The following ITPR2 variants were observed in gnomAD, a reference collection of about 807,000 sequenced individuals.
ITPR2 encodes the protein inositol 1,4,5-trisphosphate receptor type 2.
Under a neutral mutation model 317.1 loss-of-function variants are expected in ITPR2, and 207 were observed. The ratio of observed to expected loss-of-function variants is 0.65; its 90% CI spans 0.58 to 0.73. The LOEUF (loss-of-function observed/expected upper bound fraction) is 0.73, where lower values mean the gene tolerates loss of function less well. ITPR2 is among the 30% of genes least tolerant of loss of function. ITPR2 has a pLI of 0.00. For synonymous variants in ITPR2, 1,156 were observed against 1,149.1 expected, an observed-to-expected ratio of 1.01 and a Z score of -0.12; for missense variants, 2,613 against 3,284.0, an observed-to-expected ratio of 0.80 and a Z score of 4.99.
chr12:26,591,243 A>T (rs1024310095), intron 32 of ITPR2, among the ~76,000 whole-genome samples: 1 of 152,200 alleles, frequency 6.6e-6, no homozygotes, highest in African/African-American at 2.4e-5. Context: ...ATAGGAAAAA[A>T]TAGAATAATC....
chr12:26,796,975 T>C (rs1199892477), intron 1 of ITPR2, among the ~76,000 whole-genome samples: 1 of 152,114 alleles, frequency 6.6e-6, no homozygotes, highest in Non-Finnish European at 1.5e-5. Context: ...AGGTGGAGGT[T>C]GCAGTGAGCT....
chr12:26,439,042 T>C, intron 47 of ITPR2, 85 bp downstream of exon 47: 1 of 823,844 alleles, frequency 1.2e-6, no homozygotes, highest in Non-Finnish European at 1.9e-6. Context: ...AAAAAACAAT[T>C]TAAATGAGCT....
chr12:26,778,204 A>C (rs1174614820), intron 2 of ITPR2, among the ~76,000 whole-genome samples: 1 of 152,214 alleles, frequency 6.6e-6, no homozygotes, highest in Non-Finnish European at 1.5e-5. Context: ...GCCAAATGGA[A>C]GCCACTGAAG....
At chr12:26,717,687 T>C (rs1479598406) in intron 5 of ITPR2, among the ~76,000 whole-genome samples, 1 of 152,116 alleles carries the variant, frequency 6.6e-6, no homozygotes, top group African/African-American at 2.4e-5. Context: ...AATAGGAGGA[T>C]CTGCATAAAT....
intron 45 of ITPR2, among the ~76,000 whole-genome samples, chr12:26,461,781 G>T (rs1325333740): frequency 6.6e-6 from 1 of 150,850 alleles, no homozygotes; most frequent in Non-Finnish European, 1.5e-5. Context: ...GAGACCAGCT[G>T]ATTTCACATC....
At chr12:26,410,985 C>A (rs1047941619) in intron 52 of ITPR2, among the ~76,000 whole-genome samples, 3 of 152,190 alleles carry the variant, frequency 2.0e-5, no homozygotes, top group Non-Finnish European at 2.9e-5. Context: ...TAAGCCCATA[C>A]TCTTCCCGAT....
intron 48 of ITPR2, among the ~76,000 whole-genome samples, chr12:26,429,020 T>C (rs774099666): frequency 5.9e-5 from 9 of 152,198 alleles, no homozygotes; most frequent in Admixed American, 1.3e-4. Context: ...CCACACCTCT[T>C]ATCTTTATTT....
intron 2 of ITPR2, among the ~76,000 whole-genome samples, chr12:26,749,579 T>C (rs1017911246): frequency 1.3e-5 from 2 of 152,208 alleles, no homozygotes; most frequent in Admixed American, 1.3e-4. Context: ...CAGGATTATG[T>C]TCGCTTTAAA....
At chr12:26,795,960 C>T (rs530231758) in intron 1 of ITPR2, among the ~76,000 whole-genome samples, 144 of 144,954 alleles carry the variant, frequency 9.9e-4, no homozygotes, top group South Asian at 1.7e-3. Context: ...CCCCAGCTTG[C>T]GCAACAGAGC....
chr12:26,419,272 GA>G, intron 49 of ITPR2, 59 bp from the exon 50 acceptor site: 1 of 1,472,690 alleles, frequency 6.8e-7, no homozygotes, highest in Non-Finnish European at 9.4e-7. Flanking sequence ...CCACATGGAT[GA>G]AAACTACTAT....
At chr12:26,534,284 T>G (rs1365241106) in intron 37 of ITPR2, among the ~76,000 whole-genome samples, 2 of 152,256 alleles carry the variant, frequency 1.3e-5, no homozygotes, top group African/African-American at 4.8e-5. Flanking sequence ...CAAAATTGTA[T>G]GCAAACATGT....
chr12:26,596,774 A>C, intron 31 of ITPR2, 109 bp downstream of exon 31: 1 of 840,774 alleles, frequency 1.2e-6, no homozygotes, highest in Non-Finnish European at 1.7e-6. Flanking sequence ...TCCCTGACTA[A>C]ATATATGATC....
rs746937439 is a variant in ITPR2 at position 26,622,284 on chromosome 12, TAAAC to T, written c.3240_3243del (p.Phe1081SerfsTer25). 2 of 1,613,918 alleles carry T rather than the reference TAAAC, an allele frequency of 1.2e-6. No homozygotes were observed. The highest frequency in any genetic ancestry group is 2.2e-5 in the South Asian group (2 of 91,042). On this transcript the variant is annotated frameshift_variant, in exon 25 of 57. Coordinates refer to ENST00000381340, the MANE Select transcript of ITPR2 (RefSeq NM_002223.4). LOFTEE classifies it high-confidence loss of function. ...ACCTCTGCCCTCTGGCTGAAGTGCT[TAAAC>T]AACAGCTGCAGGGCTCCAGACAGCA...
intron 2 of ITPR2, among the ~76,000 whole-genome samples, chr12:26,769,382 T>C (rs1949799832): frequency 6.6e-6 from 1 of 152,136 alleles, no homozygotes; most frequent in Admixed American, 6.5e-5. Context: ...AGGGCACCTG[T>C]TCAGAGAAGA....
intron 21 of ITPR2, among the ~76,000 whole-genome samples, chr12:26,652,757 C>A (rs958844151): frequency 3.9e-5 from 6 of 152,230 alleles, no homozygotes; most frequent in African/African-American, 1.4e-4. Context: ...AAACTCCCTA[C>A]AGGATGAGCT....
chr12:26,664,390 G>C (rs1205844552), intron 14 of ITPR2, among the ~76,000 whole-genome samples: 2 of 152,178 alleles, frequency 1.3e-5, no homozygotes, highest in African/African-American at 4.8e-5. Context: ...GCATTCAAAT[G>C]TGACAAATTA....
chr12:26,742,033 C>A (rs1949238895), intron 2 of ITPR2, among the ~76,000 whole-genome samples: 1 of 152,172 alleles, frequency 6.6e-6, no homozygotes, highest in Non-Finnish European at 1.5e-5. Context: ...CTACAGGAAG[C>A]ACATTTCCTC....
At chr12:26,679,633 T>C (rs191078146) in intron 13 of ITPR2, among the ~76,000 whole-genome samples, 347 of 152,354 alleles carry the variant, frequency 2.3e-3, no homozygotes, top group African/African-American at 7.9e-3. Context: ...TTTTTGAATG[T>C]CACACATAGT....
At chr12:26,689,757 C>T (rs1948199738) in intron 10 of ITPR2, among the ~76,000 whole-genome samples, 1 of 152,046 alleles carries the variant, frequency 6.6e-6, no homozygotes, top group African/African-American at 2.4e-5. Flanking sequence ...GTAGGAATTC[C>T]TTGTCAAGGT....
Sources: allele counts gnomAD v4.1 joint callset (sites outside exome capture counted in the v4.1 genomes callset), GRCh38; gene constraint gnomAD v4.1.1; transcripts MANE v1.5; gene names NCBI Gene and HGNC (gene_info 2026-07-23, HGNC 2026-07-21).